ABCC1: variants seen among roughly 807,000 people sequenced by gnomAD.
ABCC1 encodes multidrug resistance-associated protein 1.
ABCC1 carries 83 observed loss-of-function variants against 172.9 expected under a neutral mutation model. The observed-to-expected ratio is 0.48, with a 90% CI of 0.40 to 0.58. The LOEUF (loss-of-function observed/expected upper bound fraction) is 0.58. Among genes scored for constraint, ABCC1 ranks in the 20% least tolerant of loss-of-function variants. The pLI, the probability that ABCC1 is intolerant of heterozygous loss-of-function variation, is 0.00. For synonymous variants in ABCC1, 937 were observed against 825.2 expected, an observed-to-expected ratio of 1.14 and a Z score of -2.32; for missense variants, 1,817 against 2,002.7, an observed-to-expected ratio of 0.91 and a Z score of 1.77.
At position 16,090,544 on chromosome 16, in the gene ABCC1, G is replaced by T. The variant is rs778539912; in HGVS notation, c.2600G>T (p.Arg867Leu). 3 of 1,613,396 alleles carry T rather than the reference G, an allele frequency of 1.9e-6. No individual in the cohort carries two copies. The highest frequency in any genetic ancestry group is 1.7e-5 in the Admixed American group (1 of 59,972). The change falls in exon 19 of 31, where the codon CGT becomes CTT. Residue 867 changes from arginine (R) to leucine (L), a missense_variant. This residue lies in a region of ABCC1 where 1,412 missense variants were observed against 1,600.3 expected (regional missense o/e 0.88). Transcript: ENST00000399410. ...GACGGCGCCTTCGCTGAGTTCCTGC[G>T]TACCTATGCCAGCACAGAGCAGGAG... ...ARDGAFAEFL[R>L]TYASTEQEQD...
chr16:15,997,122 C>T (rs1346620409), intron 1 of ABCC1, among the ~76,000 whole-genome samples: 2 of 145,230 alleles, frequency 1.4e-5, no homozygotes, highest in Admixed American at 7.1e-5. Flanking sequence ...GACGGAGTCT[C>T]GCTCTATCGC....
chr16:15,998,989 A>C (rs1475589869), intron 1 of ABCC1, among the ~76,000 whole-genome samples: 1 of 152,054 alleles, frequency 6.6e-6, no homozygotes, highest in Non-Finnish European at 1.5e-5. Flanking sequence ...GACTTTTAAA[A>C]AAATTAAAAA....
rs200373090 is a variant in ABCC1 at position 16,114,806 on chromosome 16, G to T, written c.3120G>T (p.Gly1040=). The T allele has an allele frequency of 1.4e-4, 230 of 1,607,790 alleles. 1 individual carries two copies. The highest frequency in any genetic ancestry group is 2.2e-4 in the Admixed American group (13 of 59,890). The change falls in exon 23 of 31, where the codon GGG becomes GGT. Residue 1040 remains glycine, a synonymous_variant. Coordinates refer to ENST00000399410, the MANE Select transcript of ABCC1 (RefSeq NM_004996.4). ...VFGYSMAVSI[G]GILASRCLHV... is the part of the protein sequence containing the mutation. ...GCTACTCCATGGCCGTGTCCATCGG[G>T]GGGATCTTGGCTTCCCGCTGTCTGC...
In ABCC1 at chr16:16,138,601, C is replaced by T. The variant is rs751231931; in HGVS notation, c.4487+43C>T. 6.8e-6 allele frequency: 10 copies of T among 1,460,846 alleles called. No individual in the cohort carries two copies. In the Admixed American group the frequency reaches 2.2e-4, roughly 32 times the overall value. The allele number at this position is 1,460,846 out of a possible 1,614,324, so 90.5% of individuals were successfully genotyped here. A position where few individuals can be genotyped will look rare whatever the true frequency, so the allele number is the denominator to read the frequency against. On this transcript the variant is annotated intron_variant, in intron 30 of 30. Transcript: ENST00000399410. ...GTGGCCTCTAGGCTTTGGGAGTTTG[C>T]CTTACTCACTGGCTCACTCATTAAT...
chr16:16,015,109 T>C (rs1369810657), intron 4 of ABCC1, among the ~76,000 whole-genome samples: 1 of 149,530 alleles, frequency 6.7e-6, no homozygotes. Context: ...GTGCTGCTGC[T>C]AGGAATTTTG....
intron 30 of ABCC1, among the ~76,000 whole-genome samples, chr16:16,140,206 G>A (rs912469670): frequency 2.0e-5 from 3 of 152,192 alleles, no homozygotes; most frequent in South Asian, 4.1e-4. Flanking sequence ...TGAGTGGACA[G>A]GGGCAGGAGA....
rs554446698 is a variant in ABCC1, at chr16:16,095,645, T to G, written c.2644+5057T>G. On this transcript the variant is annotated intron_variant, in intron 19 of 30. Coordinates refer to ENST00000399410, the MANE Select transcript of ABCC1 (RefSeq NM_004996.4). Reference sequence around the variant, plus strand: ...GTCCTCTTGGGAGAAGGATCTTTATTCCAACAATGTGGCCATTTTTCTCTT... The same window carrying G: ...GTCCTCTTGGGAGAAGGATCTTTATGCCAACAATGTGGCCATTTTTCTCTT... Among the ~76,000 whole-genome samples, 42 of 152,330 alleles carry G rather than the reference T, an allele frequency of 2.8e-4. No individual in the cohort carries two copies. The South Asian group carries it at 4.1e-3, about 15-fold the overall frequency.
rs1437281886 is a variant in ABCC1 at position 16,137,248 on chromosome 16, C to G, written c.4292+604C>G. Among the ~76,000 whole-genome samples, 5 of 152,250 alleles carry G rather than the reference C, an allele frequency of 3.3e-5. No individual in the cohort carries two copies. In the South Asian group the frequency reaches 1.0e-3, roughly 32 times the overall value. On this transcript the variant is annotated intron_variant, in intron 29 of 30. Transcript: ENST00000399410. ...TGCTGATCTCGGCTGGGCTCACATG[C>G]ATGTCTGGGAGTCAGCTGGCTGTTG... is the stretch of plus-strand genomic sequence containing the variant.
chr16:15,950,618 G>A (rs1056477884), intron 1 of ABCC1, among the ~76,000 whole-genome samples: 7 of 152,200 alleles, frequency 4.6e-5, no homozygotes, highest in Non-Finnish European at 8.8e-5. Context: ...TCCACTTGCT[G>A]TGGTTTAAGC....
chr16:16,022,872 C>T (rs1036722432), intron 5 of ABCC1, among the ~76,000 whole-genome samples: 6 of 152,168 alleles, frequency 3.9e-5, no homozygotes, highest in Admixed American at 3.3e-4. Context: ...ATCTGTCTGT[C>T]TAACCAGATA....
intron 23 of ABCC1, among the ~76,000 whole-genome samples, chr16:16,119,088 G>T (rs1187021059): frequency 6.6e-6 from 1 of 152,162 alleles, no homozygotes; most frequent in Non-Finnish European, 1.5e-5. Flanking sequence ...TTATCTCAGA[G>T]ATGTTATAGT....
chr16:16,110,700 CTT>C (rs1276722501), intron 21 of ABCC1, among the ~76,000 whole-genome samples: 6 of 152,276 alleles, frequency 3.9e-5, no homozygotes, highest in Non-Finnish European at 5.9e-5. Flanking sequence ...TGGTTTAACT[CTT>C]TAATGTCACT....
intron 14 of ABCC1, among the ~76,000 whole-genome samples, chr16:16,073,054 A>AT (rs2050414435): frequency 4.9e-5 from 7 of 143,080 alleles, no homozygotes; most frequent in African/African-American, 8.1e-5. Context: ...AAAAAAAAAA[A>AT]AAATAATAAT....
chr16:15,966,172 T>C (rs1030582471), intron 1 of ABCC1, among the ~76,000 whole-genome samples: 2 of 151,956 alleles, frequency 1.3e-5, no homozygotes, highest in Non-Finnish European at 2.9e-5. Flanking sequence ...CCTAGCACTT[T>C]GGGAGGCCGA....
At chr16:16,000,792 A>G (rs2047281645) in intron 1 of ABCC1, among the ~76,000 whole-genome samples, 1 of 152,158 alleles carries the variant, frequency 6.6e-6, no homozygotes, top group Admixed American at 6.6e-5. Flanking sequence ...ACAAAGGAGG[A>G]AATTGACGGT....
chr16:16,130,357 A>C (rs937442854), intron 26 of ABCC1, among the ~76,000 whole-genome samples: 3 of 152,214 alleles, frequency 2.0e-5, no homozygotes, highest in African/African-American at 7.2e-5. Context: ...ATCAAAAAGT[A>C]AGTTTTATTG....
chr16:16,132,521 T>TG (rs200719949), intron 27 of ABCC1, among the ~76,000 whole-genome samples: 11,049 of 93,844 alleles, frequency 0.12, 794 homozygotes, highest in East Asian at 0.2. Flanking sequence ...TTTTTTTTTT[T>TG]TTTTTTTTTT....
intron 1 of ABCC1, among the ~76,000 whole-genome samples, chr16:15,990,899 G>T (rs576549205): frequency 9.8e-4 from 145 of 147,688 alleles, no homozygotes; most frequent in Non-Finnish European, 1.7e-3. Flanking sequence ...TCCTGACCTT[G>T]TGATCCGCCT....
intron 21 of ABCC1, 83 bp from the exon 22 acceptor site, chr16:16,111,292 G>A: frequency 1.7e-6 from 2 of 1,180,858 alleles, no homozygotes; most frequent in South Asian, 1.3e-5. Flanking sequence ...GCACAGTGCT[G>A]GTGAAGCCCC....
Sources: allele counts gnomAD v4.1 joint callset (sites outside exome capture counted in the v4.1 genomes callset), GRCh38; gene constraint gnomAD v4.1.1; regional missense constraint gnomAD v4.1.1; transcripts MANE v1.5; gene names NCBI Gene and HGNC (gene_info 2026-07-23, HGNC 2026-07-21).